MFHAS1: variants seen among roughly 807,000 people sequenced by gnomAD.
MFHAS1 encodes the protein malignant fibrous histiocytoma-amplified sequence 1.
In MFHAS1, 50 loss-of-function variants were observed where a neutral mutation model predicts 70.4. The ratio of observed to expected loss-of-function variants is 0.71; its 90% CI spans 0.57 to 0.90. The LOEUF (loss-of-function observed/expected upper bound fraction) is 0.90, where lower values mean the gene tolerates loss of function less well. Among genes scored for constraint, MFHAS1 ranks in the 40% least tolerant of loss-of-function variants. The pLI is 0.00. For synonymous variants in MFHAS1, 952 were observed against 620.0 expected (o/e 1.54, Z -7.96); for missense variants, 1,795 against 1,347.6 (o/e 1.33, Z -5.20).
intron 1 of MFHAS1, among the ~76,000 whole-genome samples, chr8:8,877,064 C>T (rs1809324916): frequency 6.6e-6 from 1 of 152,036 alleles, no homozygotes; most frequent in Non-Finnish European, 1.5e-5. Context: ...CTTTGAGAGG[C>T]CAAGGTGAGT....
intron 1 of MFHAS1, among the ~76,000 whole-genome samples, chr8:8,800,300 G>A (rs1806044380): frequency 6.6e-6 from 1 of 152,056 alleles, no homozygotes; most frequent in South Asian, 2.1e-4. Flanking sequence ...ATGGCTATGT[G>A]GATATCAAAA....
At chr8:8,864,985 CA>C (rs1808802087) in intron 1 of MFHAS1, among the ~76,000 whole-genome samples, 1 of 152,000 alleles carries the variant, frequency 6.6e-6, no homozygotes, top group South Asian at 2.1e-4. Flanking sequence ...AAACCAAAAA[CA>C]TGTTTCAGGC....
chr8:8,847,563 A>C lies in MFHAS1; in HGVS notation c.2998+42498T>G, dbSNP rs141512505. On this transcript the variant is annotated intron_variant, in intron 1 of 2. Coordinates refer to ENST00000276282, the MANE Select transcript of MFHAS1 (RefSeq NM_004225.3). ...CTACTTGACAAAAGACAGAATGGAAATTCATTATTGATAAGACAGCTGGTG... is the reference window on the plus strand; with the variant it reads ...CTACTTGACAAAAGACAGAATGGAACTTCATTATTGATAAGACAGCTGGTG... Among the ~76,000 whole-genome samples the C allele has an allele frequency of 4.4e-3, 675 of 152,356 alleles. 4 individuals carry two copies. Among genetic ancestry groups the C allele is most frequent in the African/African-American group, 0.015 (628 of 41,588 alleles).
At position 8,892,781 on chromosome 8, in the gene MFHAS1, A is replaced by G; in HGVS notation, c.278T>C (p.Val93Ala). 1.3e-6 allele frequency: 2 copies of G among 1,584,386 alleles called. No homozygotes were observed. The highest frequency in any genetic ancestry group is 8.6e-7 in the Non-Finnish European group (1 of 1,165,988). ...CCGGGCGAAGCGGTTCCTGCGCAGG[A>G]CCAGGACGCGCAGGCTGCCCAGCGC... ...GSALGSLRVLVLRRNRFARLP... is the reference protein window; with the variant it reads ...GSALGSLRVLALRRNRFARLP... Residue 93 changes from valine to alanine, a missense_variant, in exon 1 of 3, where the codon GTC (valine) becomes GCC (alanine). Val to Ala is a moderately conservative substitution (Grantham distance 64, BLOSUM62 0). Transcript: ENST00000276282. This position sits in a 1 kb window ranked among gnomAD's most constrained non-coding sequence, Gnocchi z 4.7.
At chr8:8,819,057 A>T (rs1226577259) in intron 1 of MFHAS1, among the ~76,000 whole-genome samples, 2 of 152,250 alleles carry the variant, frequency 1.3e-5, no homozygotes, top group African/African-American at 2.4e-5. Flanking sequence ...GCTCATCAAT[A>T]GAAGGCTGGC....
intron 1 of MFHAS1, among the ~76,000 whole-genome samples, chr8:8,798,236 C>T (rs191353400): frequency 5.3e-5 from 8 of 152,302 alleles, no homozygotes; most frequent in Admixed American, 3.3e-4. Flanking sequence ...GGCACCCTGC[C>T]CTTTCTCAGA....
At chr8:8,843,273 C>T (rs1807906708) in intron 1 of MFHAS1, among the ~76,000 whole-genome samples, 1 of 85,050 alleles carries the variant, frequency 1.2e-5, no homozygotes, top group African/African-American at 8.0e-5. Flanking sequence ...GAGACTCCGT[C>T]TCAAAAAAAA....
intron 1 of MFHAS1, among the ~76,000 whole-genome samples, chr8:8,824,240 G>A (rs550037894): frequency 6.6e-6 from 1 of 151,952 alleles, no homozygotes; most frequent in South Asian, 2.1e-4. Context: ...GATGCCTGGA[G>A]GCCAATCTCT....
intron 1 of MFHAS1, among the ~76,000 whole-genome samples, chr8:8,821,139 C>A (rs531815654): frequency 6.6e-6 from 1 of 152,150 alleles, no homozygotes; most frequent in Non-Finnish European, 1.5e-5. Context: ...CCCTGCGAGT[C>A]CTTGGGTGTC....
chr8:8,889,923 T>C lies in MFHAS1; in HGVS notation c.2998+138A>G, dbSNP rs1450651575. ...TTACTACCTTTTGCTCATCTCCAAA[T>C]CTCCCTGTGTTTCCCTTACGAAGCT... is the stretch of plus-strand genomic sequence containing the variant. On this transcript the variant is annotated intron_variant, in intron 1 of 2. Transcript: ENST00000276282. 7.2e-6 allele frequency: 5 copies of C among 689,830 alleles called. No individual in the cohort carries two copies. The East Asian group carries it at 8.2e-5, about 11-fold the overall frequency. The allele number at this position is 689,830 out of a possible 1,614,324, so 42.7% of individuals were successfully genotyped here. A position where few individuals can be genotyped will look rare whatever the true frequency, so the allele number is the denominator to read the frequency against.
rs144482603 is a variant in MFHAS1, at chr8:8,827,690, A to T, written c.2999-30199T>A. 3.5e-3 allele frequency among the ~76,000 whole-genome samples: 531 copies of T among 152,260 alleles called. 2 individuals carry two copies. The highest frequency in any genetic ancestry group is 0.012 in the African/African-American group (508 of 41,552). On this transcript the variant is annotated intron_variant, in intron 1 of 2. Coordinates refer to ENST00000276282, the MANE Select transcript of MFHAS1 (RefSeq NM_004225.3). The stretch of plus-strand genomic sequence containing the variant: ...ACTTGTTTTTTGACCACATTTATGG[A>T]ATTTTTGCCCAACAGAACTTTAAAT...
At chr8:8,816,903 G>C (rs369274821) in intron 1 of MFHAS1, among the ~76,000 whole-genome samples, 26 of 152,324 alleles carry the variant, frequency 1.7e-4, no homozygotes, top group African/African-American at 6.0e-4. Context: ...ATCAACTAAA[G>C]ACATATATAA....
chr8:8,820,140 G>T (rs1806899733), intron 1 of MFHAS1, among the ~76,000 whole-genome samples: 2 of 152,182 alleles, frequency 1.3e-5, no homozygotes, highest in South Asian at 4.1e-4. Flanking sequence ...AAAATTAACA[G>T]TGCTGGTTTG....
chr8:8,852,990 G>A (rs547505176), intron 1 of MFHAS1, among the ~76,000 whole-genome samples: 1 of 152,222 alleles, frequency 6.6e-6, no homozygotes, highest in South Asian at 2.1e-4. Flanking sequence ...GGCTGGGAAG[G>A]TGGCCTAAAA....
At chr8:8,828,076 G>A (rs1807231095) in intron 1 of MFHAS1, among the ~76,000 whole-genome samples, 1 of 152,050 alleles carries the variant, frequency 6.6e-6, no homozygotes, top group Non-Finnish European at 1.5e-5. Flanking sequence ...CCAATCTGGA[G>A]GCACAGTGTG....
intron 1 of MFHAS1, among the ~76,000 whole-genome samples, chr8:8,815,432 G>T (rs1159255832): frequency 6.6e-6 from 1 of 152,114 alleles, no homozygotes; most frequent in Non-Finnish European, 1.5e-5. Context: ...GGTCTTTGAG[G>T]AATTGCCACA....
rs760199036 is a variant in MFHAS1 at position 8,892,581 on chromosome 8, G to C, written c.478C>G (p.Leu160Val). ...LPAQLGALAH[L>V]EELDVSFNRL... ...TTAAAGCTGACATCCAGCTCCTCCA[G>C]GTGAGCGAGAGCGCCCAGCTGGGCG... is the stretch of plus-strand genomic sequence containing the variant. Residue 160 changes from leucine (L) to valine (V), a missense_variant, in exon 1 of 3, where the codon CTG (leucine) becomes GTG (valine). Transcript: ENST00000276282. This position sits in a 1 kb window ranked among gnomAD's most constrained non-coding sequence, Gnocchi z 4.7. The C allele has an allele frequency of 7.7e-5, 124 of 1,608,568 alleles. No individual in the cohort carries two copies. The highest frequency in any genetic ancestry group is 9.3e-5 in the Non-Finnish European group (109 of 1,177,974).
intron 1 of MFHAS1, among the ~76,000 whole-genome samples, chr8:8,836,045 C>T (rs955556327): frequency 6.6e-6 from 1 of 152,208 alleles, no homozygotes; most frequent in Non-Finnish European, 1.5e-5. Context: ...AAAAAGTGTG[C>T]TGAACTCCAA....
At chr8:8,858,676 C>G (rs941822675) in intron 1 of MFHAS1, among the ~76,000 whole-genome samples, 36 of 152,174 alleles carry the variant, frequency 2.4e-4, no homozygotes, top group African/African-American at 8.4e-4. Flanking sequence ...GCCCCCATCC[C>G]CAGCACACCA....
Sources: allele counts gnomAD v4.1 joint callset (sites outside exome capture counted in the v4.1 genomes callset), GRCh38; gene constraint gnomAD v4.1.1; non-coding constraint Gnocchi (gnomAD v3.1); transcripts MANE v1.5; gene names NCBI Gene and HGNC (gene_info 2026-07-23, HGNC 2026-07-21).